The following SEMA3A variants were observed in gnomAD, a reference collection of about 807,000 sequenced individuals.
The protein encoded by SEMA3A is semaphorin 3A.
A neutral mutation model predicts 97.9 loss-of-function variants in SEMA3A; 29 were observed. The ratio of observed to expected loss-of-function variants is 0.30; its 90% confidence interval spans 0.22 to 0.40. The LOEUF (loss-of-function observed/expected upper bound fraction) is 0.40, where lower values mean the gene tolerates loss of function less well. Among genes scored for constraint, SEMA3A ranks in the 10% least tolerant of loss-of-function variants. The pLI is 1.00. For synonymous variants in SEMA3A, 321 were observed against 323.7 expected (o/e 0.99, Z 0.09); for missense variants, 763 against 951.3 (o/e 0.80, Z 2.60).
intron 1 of SEMA3A, among the ~76,000 whole-genome samples, chr7:84,183,940 C>G: frequency 6.6e-6 from 1 of 151,998 alleles, no homozygotes; most frequent in East Asian, 1.9e-4. Flanking sequence ...ATTACTATAC[C>G]ATTACTAATT....
chr7:84,350,563 A>G (rs1009843536), intron 2 of SEMA3A, among the ~76,000 whole-genome samples: 2 of 152,184 alleles, frequency 1.3e-5, no homozygotes, highest in African/African-American at 4.8e-5. Flanking sequence ...ATTGCATTCC[A>G]TATTTTCTTG....
At chr7:84,208,311 G>T (rs1232321872) in intron 3 of SEMA3A, among the ~76,000 whole-genome samples, 1 of 151,862 alleles carries the variant, frequency 6.6e-6, no homozygotes, top group Non-Finnish European at 1.5e-5. Flanking sequence ...AATTAGCTGG[G>T]TGTGGTGGCG....
intron 5 of SEMA3A, among the ~76,000 whole-genome samples, chr7:84,053,978 G>A (rs368700739): frequency 7.7e-6 from 1 of 130,582 alleles, no homozygotes; most frequent in African/African-American, 2.8e-5. Context: ...ATGAAGCTTA[G>A]TTTGGATGGA....
intron 1 of SEMA3A, among the ~76,000 whole-genome samples, chr7:84,425,151 T>G (rs1804763435): frequency 9.0e-6 from 1 of 111,156 alleles, no homozygotes; most frequent in South Asian, 2.6e-4. Flanking sequence ...TATATATATT[T>G]ATATATTATA....
At position 84,014,224 on chromosome 7, in the gene SEMA3A, T is replaced by C; in HGVS notation, c.795A>G (p.Ile265Met). 2 of 1,610,414 alleles carry C rather than the reference T, an allele frequency of 1.2e-6. No homozygotes were observed. Among genetic ancestry groups the C allele is most frequent in the South Asian group, 1.1e-5 (1 of 90,054 alleles). The change falls in exon 7 of 17, where the codon ATA becomes ATG. Residue 265 changes from isoleucine (I) to methionine (M), a missense_variant. Transcript: ENST00000265362. ...TTTACCTCACCTTGCATATCTGACCTATTCTAGCGTGAGTAGCTTTTCCAG... is the reference window on the plus strand; with the variant it reads ...TTTACCTCACCTTGCATATCTGACCCATTCTAGCGTGAGTAGCTTTTCCAG... Reference protein sequence around the residue: ...EHSGKATHARIGQICKNDFGG... With the variant: ...EHSGKATHARMGQICKNDFGG...
intron 1 of SEMA3A, among the ~76,000 whole-genome samples, chr7:84,143,380 C>T (rs1021290310): frequency 6.6e-6 from 1 of 152,106 alleles, no homozygotes; most frequent in Non-Finnish European, 1.5e-5. Flanking sequence ...TATAGTGAAA[C>T]TTGAAACATT....
intron 1 of SEMA3A, among the ~76,000 whole-genome samples, chr7:84,155,738 C>T (rs533470731): frequency 3.3e-5 from 5 of 152,162 alleles, no homozygotes; most frequent in Admixed American, 6.5e-5. Context: ...GTAAGAGCTG[C>T]TGAGATTTTT....
chr7:84,407,123 A>T (rs991532741), intron 1 of SEMA3A, among the ~76,000 whole-genome samples: 7 of 152,216 alleles, frequency 4.6e-5, no homozygotes, highest in African/African-American at 1.7e-4. Flanking sequence ...CCCTGTTTGC[A>T]GATGACATGA....
intron 1 of SEMA3A, among the ~76,000 whole-genome samples, chr7:84,176,776 A>G (rs1259148493): frequency 2.0e-5 from 3 of 152,184 alleles, no homozygotes; most frequent in South Asian, 4.1e-4. Context: ...GACTTTGACA[A>G]AAGTAAATAC....
intron 2 of SEMA3A, among the ~76,000 whole-genome samples, chr7:84,351,973 T>C (rs975507367): frequency 2.6e-5 from 4 of 151,766 alleles, no homozygotes; most frequent in African/African-American, 7.3e-5. Context: ...ATCAACCTAA[T>C]TGCTCATCAG....
intron 14 of SEMA3A, among the ~76,000 whole-genome samples, chr7:83,978,727 G>A (rs1376048993): frequency 6.6e-6 from 1 of 152,126 alleles, no homozygotes; most frequent in Non-Finnish European, 1.5e-5. Flanking sequence ...GCCAACAAGA[G>A]AACTTGTGAA....
intron 3 of SEMA3A, among the ~76,000 whole-genome samples, chr7:84,293,491 G>T (rs1055740377): frequency 6.6e-5 from 10 of 151,200 alleles, no homozygotes; most frequent in African/African-American, 2.4e-4. Context: ...TAATAGACAT[G>T]AGAAAAGTAT....
intron 14 of SEMA3A, among the ~76,000 whole-genome samples, chr7:83,981,090 C>A (rs1789394933): frequency 6.6e-6 from 1 of 152,066 alleles, no homozygotes; most frequent in South Asian, 2.1e-4. Flanking sequence ...TCTAAAGGGA[C>A]AAGACTCAGT....
chr7:84,482,121 T>G (rs1353774973), intron 1 of SEMA3A, among the ~76,000 whole-genome samples: 1 of 130,262 alleles, frequency 7.7e-6, no homozygotes, highest in African/African-American at 3.3e-5. Context: ...AATATCAAAT[T>G]CATCTATTTC....
chr7:84,261,663 C>T (rs1257438280), intron 3 of SEMA3A, among the ~76,000 whole-genome samples: 1 of 152,238 alleles, frequency 6.6e-6, no homozygotes, highest in Admixed American at 6.5e-5. Context: ...AGCTGGCATG[C>T]TTGGCTGTGC....
At chr7:84,123,604 T>C (rs896994258) in intron 3 of SEMA3A, among the ~76,000 whole-genome samples, 1 of 150,700 alleles carries the variant, frequency 6.6e-6, no homozygotes, top group Admixed American at 6.7e-5. Flanking sequence ...TGCATGTACA[T>C]GCATGCGCAG....
Position 84,080,385 on chromosome 7 carries a change from A to G in SEMA3A, c.454-19827T>C, listed in dbSNP as rs567592033. ...AGAAAAAAAGAGACTACCTAAAAAA[A>G]AATAAAAAATTATACCGTAGGCTTA... On this transcript the variant is annotated intron_variant, in intron 4 of 16. Transcript: ENST00000265362. Among the ~76,000 whole-genome samples the G allele has an allele frequency of 1.8e-4, 27 of 152,194 alleles. 1 individual carries two copies. In the East Asian group the frequency reaches 4.4e-3, roughly 25 times the overall value.
chr7:84,054,849 T>C (rs1043528984), intron 5 of SEMA3A, among the ~76,000 whole-genome samples: 1 of 150,074 alleles, frequency 6.7e-6, no homozygotes, highest in Non-Finnish European at 1.5e-5. Context: ...CTACTTTTGG[T>C]CTTTGATGAT....
chr7:84,203,768 T>A (rs528151738), intron 3 of SEMA3A, among the ~76,000 whole-genome samples: 1 of 151,550 alleles, frequency 6.6e-6, no homozygotes, highest in Non-Finnish European at 1.5e-5. Flanking sequence ...TGACCGCAGG[T>A]GATCCAACCG....
Sources: gnomAD v4.1 joint callset for allele counts (sites outside exome capture counted in the v4.1 genomes callset) on GRCh38, gnomAD v4.1.1 for gene constraint, MANE v1.5 for transcripts, NCBI Gene and HGNC (gene_info 2026-07-23, HGNC 2026-07-21) for gene names.